PRPF18: variants seen among roughly 807,000 people sequenced by gnomAD.
The protein encoded by PRPF18 is pre-mRNA-splicing factor 18.
Under a neutral mutation model 46.5 loss-of-function variants are expected in PRPF18, and 38 were observed. That is an observed-to-expected ratio of 0.82 (90% CI 0.63 to 1.07). PRPF18 has a LOEUF of 1.07. Ranked by LOEUF, PRPF18 falls within the 50% of genes least tolerant of loss-of-function variation. The pLI is 0.00. For missense variants in PRPF18, 263 were observed against 410.0 expected (o/e 0.64, Z 3.10); for synonymous variants, 152 against 146.7 (o/e 1.04, Z -0.26).
In PRPF18 at chr10:13,616,544, A is replaced by G. The variant is rs140224877; in HGVS notation, c.939A>G (p.Lys313=). The G allele has an allele frequency of 3.7e-6, 6 of 1,614,112 alleles. No homozygotes were observed. In the African/African-American group the frequency reaches 5.3e-5, roughly 14 times the overall value. The change falls in exon 9 of 10, where the codon AAA becomes AAG. Residue 313 remains lysine (K), a synonymous_variant. Coordinates refer to ENST00000378572, the MANE Select transcript of PRPF18 (RefSeq NM_003675.4). ...AHVLNDETQR[K]YIQGLKRLMT... is the part of the protein sequence containing the mutation. Reference sequence around the variant, plus strand: ...TTTTAAATGACGAAACTCAGCGGAAATATATTCAGGTAAGCAGTTTGGAGA... The same window carrying G: ...TTTTAAATGACGAAACTCAGCGGAAGTATATTCAGGTAAGCAGTTTGGAGA...
intron 1 of PRPF18, among the ~76,000 whole-genome samples, chr10:13,593,042 C>G (rs2079987360): frequency 1.3e-5 from 2 of 152,154 alleles, no homozygotes; most frequent in Admixed American, 1.3e-4. Context: ...GTAAATGATG[C>G]TGAACAACTG....
chr10:13,606,946 T>G (rs969691700), intron 4 of PRPF18, among the ~76,000 whole-genome samples: 1 of 152,202 alleles, frequency 6.6e-6, no homozygotes, highest in Non-Finnish European at 1.5e-5. Flanking sequence ...GTGGTATTGT[T>G]AGTCTTTTTA....
At chr10:13,639,186 T>A in the PRPF18 span, 1 of 31,280 alleles carries the variant, frequency 3.2e-5, no homozygotes, top group African/African-American at 8.2e-5. Context: ...CAGATGGAAC[T>A]GATGTTAAAA....
the PRPF18 span, chr10:13,655,807 C>T: frequency 2.0e-5 from 3 of 152,180 alleles, no homozygotes; most frequent in African/African-American, 7.2e-5. Flanking sequence ...TACCATTTCT[C>T]TTCTCCTCAG....
intron 4 of PRPF18, among the ~76,000 whole-genome samples, chr10:13,607,168 G>C (rs2080200315): frequency 6.6e-6 from 1 of 152,126 alleles, no homozygotes; most frequent in Non-Finnish European, 1.5e-5. Flanking sequence ...CATGGCTCAT[G>C]GCAGCTGCAA....
chr10:13,589,730 G>C (rs1379654669), intron 1 of PRPF18, among the ~76,000 whole-genome samples: 2 of 152,192 alleles, frequency 1.3e-5, no homozygotes, highest in Admixed American at 1.3e-4. Flanking sequence ...TTTGGATGTT[G>C]TGTACGATTG....
At chr10:13,626,552 C>A (rs1026152557) in intron 9 of PRPF18, among the ~76,000 whole-genome samples, 1 of 152,048 alleles carries the variant, frequency 6.6e-6, no homozygotes, top group Non-Finnish European at 1.5e-5. Flanking sequence ...GAGGCGTGTG[C>A]GTGCATATGT....
the PRPF18 span, chr10:13,639,036 G>T: frequency 1.3e-5 from 2 of 152,192 alleles, no homozygotes; most frequent in Non-Finnish European, 2.9e-5. Context: ...GTGTGCCATG[G>T]TGCTGAGGTC....
chr10:13,655,276 T>C, the PRPF18 span: 1 of 152,242 alleles, frequency 6.6e-6, no homozygotes, highest in Non-Finnish European at 1.5e-5. Context: ...CTCATCTCTT[T>C]ACATAAAGCA....
At position 13,612,087 on chromosome 10, in the gene PRPF18, C is replaced by T. The variant is rs142056784; in HGVS notation, c.579+404C>T. ...TAGAGATCGGGTTTCACCATGTTGG[C>T]CACGCTGATCTTGAACTCCTGACCT... On this transcript the variant is annotated intron_variant, in intron 6 of 9. Transcript: ENST00000378572. Among the ~76,000 whole-genome samples the T allele has an allele frequency of 7.8e-3, 1,193 of 152,104 alleles. 8 individuals are homozygous for T. Among genetic ancestry groups the T allele is most frequent in the Non-Finnish European group, 0.015 (992 of 67,986 alleles).
At chr10:13,624,773 C>T (rs149905599) in intron 9 of PRPF18, among the ~76,000 whole-genome samples, 22 of 152,352 alleles carry the variant, frequency 1.4e-4, no homozygotes, top group African/African-American at 4.3e-4. Flanking sequence ...GAGTTACTAA[C>T]ACTTAAGTGT....
rs1378390351 is a variant in PRPF18 at position 13,613,824 on chromosome 10, G to A, written c.663G>A (p.Ala221=). 2.5e-6 allele frequency: 4 copies of A among 1,614,042 alleles called. No homozygotes were observed. Among genetic ancestry groups the A allele is most frequent in the Admixed American group, 3.3e-5 (2 of 59,986 alleles). ...GTGTGCAGGGTAAACTGAACAGTGC[G>A]ACCCAGAAACAGACCGAGTCCTACC... is the stretch of plus-strand genomic sequence containing the variant. ...KRSVQGKLNS[A]TQKQTESYLR... The change falls in exon 7 of 10, where the codon GCG becomes GCA. Residue 221 remains alanine, a synonymous_variant. Coordinates refer to ENST00000378572, the MANE Select transcript of PRPF18 (RefSeq NM_003675.4).
At chr10:13,642,795 C>G in the PRPF18 span, 1 of 152,166 alleles carries the variant, frequency 6.6e-6, no homozygotes, top group Middle Eastern at 3.2e-3. Context: ...AGGCTTCAGG[C>G]TCTCCCACGG....
chr10:13,638,798 C>G, the PRPF18 span: 1 of 152,178 alleles, frequency 6.6e-6, no homozygotes, highest in African/African-American at 2.4e-5. Context: ...AAAACACCCT[C>G]ACAGATACCT....
intron 9 of PRPF18, among the ~76,000 whole-genome samples, chr10:13,619,593 A>G (rs2080395019): frequency 6.6e-6 from 1 of 152,172 alleles, no homozygotes; most frequent in South Asian, 2.1e-4. Flanking sequence ...ATAACGAGTG[A>G]GCTGAGGGTT....
At chr10:13,648,015 C>G in the PRPF18 span, 1 of 145,398 alleles carries the variant, frequency 6.9e-6, no homozygotes, top group Non-Finnish European at 1.5e-5. Context: ...ATTTCGGTAC[C>G]AAACACAGCT....
chr10:13,614,693 G>A (rs1589131614), intron 8 of PRPF18, among the ~76,000 whole-genome samples: 6 of 152,328 alleles, frequency 3.9e-5, no homozygotes, highest in Admixed American at 3.9e-4. Context: ...AGCGGTGAGG[G>A]AAAGGGTGCT....
intron 2 of PRPF18, among the ~76,000 whole-genome samples, chr10:13,597,894 A>G (rs1039557133): frequency 2.0e-5 from 3 of 151,902 alleles, no homozygotes; most frequent in African/African-American, 7.3e-5. Context: ...AAAACAGTCT[A>G]TTTGGAAAGA....
At chr10:13,608,661 T>C (rs2080225778) in intron 4 of PRPF18, among the ~76,000 whole-genome samples, 1 of 152,246 alleles carries the variant, frequency 6.6e-6, no homozygotes, top group Non-Finnish European at 1.5e-5. Context: ...TCCTTCTCCA[T>C]GTGCCTATGA....
Sources: gnomAD v4.1 joint callset for allele counts (sites outside exome capture counted in the v4.1 genomes callset) on GRCh38, gnomAD v4.1.1 for gene constraint, MANE v1.5 for transcripts, NCBI Gene and HGNC (gene_info 2026-07-23, HGNC 2026-07-21) for gene names.